The following TMEM67 variants were observed in gnomAD, a reference collection of about 807,000 sequenced individuals.
TMEM67 encodes the protein transmembrane protein 67.
Under a neutral mutation model 136.6 loss-of-function variants are expected in TMEM67, and 124 were observed. The ratio of observed to expected loss-of-function variants is 0.91; its 90% CI spans 0.78 to 1.05. The LOEUF (loss-of-function observed/expected upper bound fraction) is 1.05, where lower values mean the gene tolerates loss of function less well. TMEM67 is among the 50% of genes least tolerant of loss of function. The probability of loss-of-function intolerance (pLI) is 0.00; values close to 1 mark genes in which losing one functional copy is unlikely to be tolerated. For missense variants in TMEM67, 1,107 were observed against 1,178.4 expected, an observed-to-expected ratio of 0.94 and a Z score of 0.89; for synonymous variants, 364 against 390.5, an observed-to-expected ratio of 0.93 and a Z score of 0.80.
At chr8:93,801,489 C>T (rs1319211844) in intron 21 of TMEM67, among the ~76,000 whole-genome samples, 1 of 151,792 alleles carries the variant, frequency 6.6e-6, no homozygotes, top group Non-Finnish European at 1.5e-5. Flanking sequence ...GTAACCTTCG[C>T]TTCCCAGGTT....
At chr8:93,784,633 A>G (rs1191052390) in intron 11 of TMEM67, among the ~76,000 whole-genome samples, 2 of 152,236 alleles carry the variant, frequency 1.3e-5, no homozygotes, top group Admixed American at 1.3e-4. Context: ...TTGGATTTGT[A>G]TAATGAATAT....
At chr8:93,808,610 G>A (rs1236026022) in intron 23 of TMEM67, among the ~76,000 whole-genome samples, 2 of 106,746 alleles carry the variant, frequency 1.9e-5, no homozygotes, top group Non-Finnish European at 4.3e-5. Context: ...CAAAGGAGAT[G>A]ATATAAAGAC....
At chr8:93,782,917 T>A (rs1347792375) in intron 11 of TMEM67, among the ~76,000 whole-genome samples, 2 of 152,184 alleles carry the variant, frequency 1.3e-5, no homozygotes, top group African/African-American at 4.8e-5. Context: ...CTATTTAATA[T>A]AATTTTTTAT....
At chr8:93,827,906 A>G in the TMEM67 span, among the ~76,000 whole-genome samples, 34,254 of 151,900 alleles carry the variant, frequency 0.23, 5,040 homozygotes, top group East Asian at 0.5. Flanking sequence ...AAGGCTATTG[A>G]TTTCCTCATA....
chr8:93,769,269 C>T (rs928074579), intron 6 of TMEM67, among the ~76,000 whole-genome samples: 5 of 152,206 alleles, frequency 3.3e-5, no homozygotes, highest in African/African-American at 1.2e-4. Context: ...GTACCTGCTG[C>T]CTCAGAGGAC....
chr8:93,788,014 AT>A (rs1390382930), intron 14 of TMEM67, 65 bp downstream of exon 14: 5 of 1,277,390 alleles, frequency 3.9e-6, no homozygotes, highest in Non-Finnish European at 5.7e-6. Context: ...TTCAGTTTAC[AT>A]TTTGGTCAAA....
chr8:93,789,522 G>T (rs1345776971), intron 14 of TMEM67, among the ~76,000 whole-genome samples: 1 of 151,844 alleles, frequency 6.6e-6, no homozygotes, highest in Non-Finnish European at 1.5e-5. Context: ...GCGCTTGCCT[G>T]TAATCCCAGC....
chr8:93,804,727 G>A (rs1347346086), intron 22 of TMEM67, 35 bp from the exon 23 acceptor site: 3 of 1,194,942 alleles, frequency 2.5e-6, no homozygotes, highest in Non-Finnish European at 3.7e-6. Flanking sequence ...TTGCAGATGA[G>A]TTGCTATTTG....
chr8:93,809,070 C>A lies in TMEM67; in HGVS notation c.2570C>A (p.Ala857Asp). 5.0e-6 allele frequency: 8 copies of A among 1,606,530 alleles called. No individual in the cohort carries two copies. Among genetic ancestry groups the A allele is most frequent in the Non-Finnish European group, 6.0e-6 (7 of 1,173,666 alleles). Residue 857 changes from alanine to aspartate, a missense_variant, in exon 25 of 28, where the codon GCT becomes GAT. Ala to Asp is a moderately radical substitution (Grantham distance 126, BLOSUM62 -2). Around this residue, in one of 3 missense-constraint regions of TMEM67, gnomAD observed 925 missense variants for 1,002.4 expected, o/e 0.92. Transcript: ENST00000453321. ...HETLIRKNGP[A>D]RLLSSSASTF... ...TTTTTACATTAGAAAAATGGTCCTG[C>A]TAGACTACTGAGTTCATCAGCAAGT...
chr8:93,790,286 T>C (rs528259069), intron 14 of TMEM67, among the ~76,000 whole-genome samples: 25 of 152,212 alleles, frequency 1.6e-4, no homozygotes, highest in Admixed American at 3.3e-4. Context: ...ATTTCCTCTT[T>C]AATATTTCAG....
chr8:93,793,100 C>T (rs1414532421), intron 15 of TMEM67, 98 bp from the exon 16 acceptor site: 1 of 1,097,752 alleles, frequency 9.1e-7, no homozygotes, highest in Non-Finnish European at 1.4e-6. Flanking sequence ...CATTTCCCAC[C>T]CCACCATTTT....
At chr8:93,785,735 A>C (rs1376677718) in intron 12 of TMEM67, 1 of 209,438 alleles carries the variant, frequency 4.8e-6, no homozygotes, top group Non-Finnish European at 9.5e-6. Context: ...TTTTTCAGGT[A>C]ATTTGCAGGG....
intron 12 of TMEM67, 100 bp downstream of exon 12, chr8:93,785,478 A>G (rs184313198): frequency 6.5e-6 from 8 of 1,235,230 alleles, no homozygotes; most frequent in Non-Finnish European, 9.4e-6. Context: ...AAGAAAGGTC[A>G]TGAATTCTCT....
chr8:93,826,123 C>CTTTTTTT, the TMEM67 span, among the ~76,000 whole-genome samples: 245 of 52,384 alleles, frequency 4.7e-3, 33 homozygotes, highest in Non-Finnish European at 6.6e-3. Flanking sequence ...TTAATCATGT[C>CTTTTTTT]TTTTTTTTTT....
chr8:93,783,620 C>T (rs777660912), intron 11 of TMEM67, among the ~76,000 whole-genome samples: 16 of 152,060 alleles, frequency 1.1e-4, no homozygotes, highest in African/African-American at 2.7e-4. Flanking sequence ...TCCGTTCTCA[C>T]GCTGCTAATA....
At chr8:93,818,924 C>T (rs566608594), downstream of TMEM67, 3 of 362,294 alleles carry the variant, frequency 8.3e-6, no homozygotes, top group African/African-American at 4.3e-5. Flanking sequence ...ACCTCAGCCT[C>T]CCAAGTAGCT....
chr8:93,785,266 T>C lies in TMEM67; in HGVS notation c.1176T>C (p.Pro392=), dbSNP rs1814041423. 6.2e-7 allele frequency: 1 copy of C among 1,601,670 alleles called. No individual in the cohort carries two copies. The highest frequency in any genetic ancestry group is 8.5e-7 in the Non-Finnish European group (1 of 1,169,594). The change falls in exon 12 of 28, where the codon CCT becomes CCC. Residue 392 remains proline, a synonymous_variant. Coordinates refer to ENST00000453321, the MANE Select transcript of TMEM67 (RefSeq NM_153704.6). ...ISKILIDFPT[P]IFYDVYLEYT... ...AGATCTTAATTGACTTTCCCACTCC[T>C]ATATTTTATGATGTGTACCTTGAAT...
chr8:93,793,118 A>G, intron 15 of TMEM67, 80 bp from the exon 16 acceptor site: 1 of 1,301,954 alleles, frequency 7.7e-7, no homozygotes, highest in Non-Finnish European at 1.1e-6. Context: ...TTTTTTGAGC[A>G]CTTCCTTACT....
chr8:93,826,182 T>A, the TMEM67 span, among the ~76,000 whole-genome samples: 1 of 127,190 alleles, frequency 7.9e-6, no homozygotes, highest in Non-Finnish European at 1.6e-5. Context: ...CAGGCCGGAC[T>A]GCAGTGGCGC....
Sources: gnomAD v4.1 joint callset for allele counts (sites outside exome capture counted in the v4.1 genomes callset) on GRCh38, gnomAD v4.1.1 for gene constraint, gnomAD v4.1.1 regional missense constraint, MANE v1.5 for transcripts, NCBI Gene and HGNC (gene_info 2026-07-23, HGNC 2026-07-21) for gene names.